The following ARMC2 variants were observed in gnomAD, a reference collection of about 807,000 sequenced individuals.
The protein encoded by ARMC2 is armadillo repeat-containing protein 2.
A neutral mutation model predicts 90.3 loss-of-function variants in ARMC2; 67 were observed. That is an observed-to-expected ratio of 0.74 (90% CI 0.61 to 0.91). The LOEUF (loss-of-function observed/expected upper bound fraction) is 0.91, where lower values mean the gene tolerates loss of function less well. Ranked by LOEUF, ARMC2 falls within the 40% of genes least tolerant of loss-of-function variation. The pLI is 0.00. For missense variants in ARMC2, 920 were observed against 1,030.9 expected, an observed-to-expected ratio of 0.89 and a Z score of 1.47; for synonymous variants, 393 against 393.0, an observed-to-expected ratio of 1.00 and a Z score of 0.00.
At chr6:109,000,327 T>A in the ARMC2 span, 1 of 484,166 alleles carries the variant, frequency 2.1e-6, no homozygotes, top group South Asian at 5.1e-5. Flanking sequence ...ACAGCAAATG[T>A]ACCACAGAAA....
chr6:108,857,556 A>C (rs1259996809), intron 2 of ARMC2, among the ~76,000 whole-genome samples: 1 of 152,236 alleles, frequency 6.6e-6, no homozygotes, highest in Admixed American at 6.5e-5. Context: ...GAAAAGCAGT[A>C]GTAAGAGGGG....
intron 17 of ARMC2, among the ~76,000 whole-genome samples, chr6:108,969,362 A>G (rs138304104): frequency 6.6e-6 from 1 of 152,342 alleles, no homozygotes; most frequent in East Asian, 1.9e-4. Flanking sequence ...GCTGCAGGAC[A>G]CAAACTTCTA....
chr6:109,044,010 C>G, the ARMC2 span, among the ~76,000 whole-genome samples: 1 of 151,990 alleles, frequency 6.6e-6, no homozygotes, highest in Non-Finnish European at 1.5e-5. Flanking sequence ...AAAATATGGT[C>G]AACTTATTGT....
At chr6:108,963,155 G>A (rs1562434761) in intron 15 of ARMC2, among the ~76,000 whole-genome samples, 1 of 152,134 alleles carries the variant, frequency 6.6e-6, no homozygotes, top group Non-Finnish European at 1.5e-5. Context: ...GGAATGTAAT[G>A]TTTTATTTCT....
the ARMC2 span, chr6:108,998,417 A>C: frequency 9.4e-5 from 138 of 1,463,750 alleles, 1 homozygote; most frequent in South Asian, 1.7e-3. Context: ...CACAGTCTTA[A>C]CAGGGTGGGT....
chr6:108,982,680 G>A, the ARMC2 span, among the ~76,000 whole-genome samples: 1 of 152,128 alleles, frequency 6.6e-6, no homozygotes, highest in Admixed American at 6.6e-5. Context: ...TGAGTGTGAG[G>A]TAATGTGTCT....
chr6:109,022,958 GC>G, the ARMC2 span, among the ~76,000 whole-genome samples: 4 of 152,134 alleles, frequency 2.6e-5, no homozygotes, highest in East Asian at 7.7e-4. Flanking sequence ...TCAGAAAGAG[GC>G]CAAGGGACCC....
the ARMC2 span, among the ~76,000 whole-genome samples, chr6:109,031,987 A>AAAT: frequency 2.0e-4 from 30 of 152,336 alleles, no homozygotes; most frequent in Non-Finnish European, 3.8e-4. Context: ...TTAATATTGT[A>AAAT]AATAATTTTG....
chr6:108,862,341 TCAAAAAAAAAAAAAAAA>T (rs1470415763), intron 3 of ARMC2, among the ~76,000 whole-genome samples: 2 of 44,984 alleles, frequency 4.4e-5, no homozygotes, highest in East Asian at 2.0e-3. Flanking sequence ...GAGACTCATC[TCAAAAAAAAAAAAAAAA>T]CAAAAAAAAC....
intron 12 of ARMC2, among the ~76,000 whole-genome samples, chr6:108,951,897 A>G (rs1373626767): frequency 6.6e-6 from 1 of 152,254 alleles, no homozygotes; most frequent in Non-Finnish European, 1.5e-5. Flanking sequence ...CTGTTCTGCA[A>G]GAAGGCAAAG....
At chr6:108,980,762 C>T in the ARMC2 span, among the ~76,000 whole-genome samples, 1 of 152,144 alleles carries the variant, frequency 6.6e-6, no homozygotes, top group South Asian at 2.1e-4. Context: ...GTGGTGGGCT[C>T]CACCCAGTTC....
At chr6:108,993,650 T>C in the ARMC2 span, among the ~76,000 whole-genome samples, 4 of 152,190 alleles carry the variant, frequency 2.6e-5, no homozygotes, top group African/African-American at 9.7e-5. Context: ...TTATATATTA[T>C]CTCCTGTAGC....
the ARMC2 span, among the ~76,000 whole-genome samples, chr6:109,012,715 G>A: frequency 1.3e-5 from 2 of 152,148 alleles, no homozygotes; most frequent in Non-Finnish European, 2.9e-5. Flanking sequence ...AGCATATGCA[G>A]AGGCCCAGAA....
intron 10 of ARMC2, among the ~76,000 whole-genome samples, chr6:108,927,264 G>T (rs1775180302): frequency 6.6e-6 from 1 of 152,176 alleles, no homozygotes; most frequent in African/African-American, 2.4e-5. Context: ...TGGCAGCGAT[G>T]CCATTCACAC....
intron 5 of ARMC2, among the ~76,000 whole-genome samples, 156 bp downstream of exon 5, chr6:108,876,506 C>T (rs958476515): frequency 3.3e-5 from 5 of 152,116 alleles, no homozygotes; most frequent in East Asian, 1.9e-4. Flanking sequence ...CTTCTCATGG[C>T]CAAATGGAGT....
At chr6:109,035,547 G>A in the ARMC2 span, among the ~76,000 whole-genome samples, 2 of 148,314 alleles carry the variant, frequency 1.3e-5, no homozygotes, top group East Asian at 2.0e-4. Flanking sequence ...CCCGGCAGAG[G>A]GAAAAAAAAA....
chr6:108,921,595 T>G (rs1774574745), intron 10 of ARMC2, among the ~76,000 whole-genome samples: 1 of 152,250 alleles, frequency 6.6e-6, no homozygotes, highest in African/African-American at 2.4e-5. Context: ...AAATCATATA[T>G]GAGACAATAT....
chr6:109,016,895 AT>A, the ARMC2 span, among the ~76,000 whole-genome samples: 1 of 152,224 alleles, frequency 6.6e-6, no homozygotes, highest in Non-Finnish European at 1.5e-5. Context: ...TAACTCAGAA[AT>A]ACTAAAATAG....
the ARMC2 span, among the ~76,000 whole-genome samples, chr6:108,989,590 GAGAT>G: frequency 9.2e-5 from 13 of 141,952 alleles, no homozygotes; most frequent in South Asian, 2.3e-4. Flanking sequence ...TATATAGAGA[GAGAT>G]AGAGAGAGAT....
Sources: gnomAD v4.1 joint callset for allele counts (sites outside exome capture counted in the v4.1 genomes callset) on GRCh38, gnomAD v4.1.1 for gene constraint, MANE v1.5 for transcripts, NCBI Gene and HGNC (gene_info 2026-07-23, HGNC 2026-07-21) for gene names.